Variants in FER observed in about 807,000 individuals in gnomAD.
FER encodes the protein tyrosine-protein kinase Fer.
A neutral mutation model predicts 111.0 loss-of-function variants in FER; 63 were observed. The observed-to-expected ratio is 0.57, with a 90% CI of 0.46 to 0.70. The LOEUF (loss-of-function observed/expected upper bound fraction) is 0.70, where lower values mean the gene tolerates loss of function less well. Ranked by LOEUF, FER falls within the 30% of genes least tolerant of loss-of-function variation. FER has a pLI of 0.00. For synonymous variants in FER, 327 were observed against 313.9 expected (o/e 1.04, Z -0.44); for missense variants, 914 against 954.0 (o/e 0.96, Z 0.55).
intron 5 of FER, among the ~76,000 whole-genome samples, chr5:108,850,454 A>C (rs898238573): frequency 2.6e-5 from 4 of 152,140 alleles, no homozygotes; most frequent in Non-Finnish European, 5.9e-5. Context: ...AAGGGATTCC[A>C]TAAGTTTAGG....
At chr5:109,068,948 T>A (rs768911557) in intron 16 of FER, among the ~76,000 whole-genome samples, 23 of 152,230 alleles carry the variant, frequency 1.5e-4, no homozygotes, top group Non-Finnish European at 2.9e-4. Context: ...CTCAGTAATT[T>A]CACAGCAGTA....
intron 17 of FER, among the ~76,000 whole-genome samples, chr5:109,108,755 G>GCCCA: frequency 6.6e-6 from 1 of 152,058 alleles, no homozygotes; most frequent in South Asian, 2.1e-4. Context: ...CAAATTCTGG[G>GCCCA]GAATTCATCA....
chr5:109,072,489 CTGT>C (rs1201514238), intron 16 of FER, among the ~76,000 whole-genome samples: 2 of 151,790 alleles, frequency 1.3e-5, no homozygotes, highest in Non-Finnish European at 2.9e-5. Flanking sequence ...GCGGTATTTT[CTGT>C]TGTTGTTACA....
intron 10 of FER, among the ~76,000 whole-genome samples, chr5:108,910,127 A>G (rs2150356294): frequency 6.6e-6 from 1 of 152,278 alleles, no homozygotes; most frequent in East Asian, 1.9e-4. Context: ...AAATGGACAA[A>G]GATTATGAAT....
At chr5:108,888,910 A>G (rs1194447450) in intron 9 of FER, among the ~76,000 whole-genome samples, 1 of 151,930 alleles carries the variant, frequency 6.6e-6, no homozygotes, top group Non-Finnish European at 1.5e-5. Flanking sequence ...ATTATCCTTA[A>G]AAACCACTAA....
chr5:108,814,172 C>G (rs1252926000), intron 3 of FER, among the ~76,000 whole-genome samples: 1 of 152,128 alleles, frequency 6.6e-6, no homozygotes, highest in East Asian at 1.9e-4. Flanking sequence ...GTTGTTGTAT[C>G]TCTTCTGTGA....
At chr5:109,001,838 T>C (rs574668196) in intron 13 of FER, among the ~76,000 whole-genome samples, 1,538 of 152,100 alleles carry the variant, frequency 0.01, 22 homozygotes, top group African/African-American at 0.035. Flanking sequence ...TATACACCAA[T>C]AACAGACAAA....
chr5:109,169,922 T>C (rs548099871), intron 17 of FER, among the ~76,000 whole-genome samples: 36 of 152,244 alleles, frequency 2.4e-4, no homozygotes, highest in African/African-American at 7.7e-4. Flanking sequence ...TTGCAAAGAG[T>C]TAACCACTGC....
intron 1 of FER, among the ~76,000 whole-genome samples, chr5:108,754,569 ATAT>A (rs1750878009): frequency 1.3e-5 from 2 of 152,162 alleles, no homozygotes; most frequent in African/African-American, 2.4e-5. Flanking sequence ...ACATAAGAAA[ATAT>A]TATTACACTA....
intron 15 of FER, among the ~76,000 whole-genome samples, chr5:109,046,756 A>C (rs1014426599): frequency 1.3e-5 from 2 of 152,156 alleles, no homozygotes; most frequent in Non-Finnish European, 2.9e-5. Context: ...ACAACTATTT[A>C]TATAACATTT....
rs1430138719 is a variant in FER at position 109,146,265 on chromosome 5, TATA to T, written c.2049-34481_2049-34479del. ...ATATAATCTATCTAATATATATATA[TATA>T]TATATATATATATATATATATATCT... On this transcript the variant is annotated intron_variant, in intron 17 of 19. Transcript: ENST00000281092. 3.4e-5 allele frequency among the ~76,000 whole-genome samples: 3 copies of T among 87,280 alleles called. 1 individual carries two copies. The highest frequency in any genetic ancestry group is 1.5e-4 in the African/African-American group (3 of 20,586). The allele number at this position is 87,280 out of a possible 152,430, so 57.3% of individuals were successfully genotyped here.
intron 11 of FER, among the ~76,000 whole-genome samples, chr5:108,953,713 A>G (rs78518560): frequency 6.6e-6 from 1 of 152,138 alleles, no homozygotes; most frequent in Non-Finnish European, 1.5e-5. Flanking sequence ...AACTTCATAT[A>G]TGAATATTTG....
chr5:108,879,700 AAATATATAT>A (rs937488823), intron 8 of FER, among the ~76,000 whole-genome samples: 3 of 119,338 alleles, frequency 2.5e-5, no homozygotes, highest in African/African-American at 1.3e-4. Flanking sequence ...GATTAAAAAA[AAATATATAT>A]ATATATATAT....
rs1760595745 is a variant in FER, at chr5:108,835,800, A to G, written c.474A>G (p.Leu158=). The change falls in exon 5 of 20, where the codon TTA becomes TTG. Residue 158 remains leucine, a synonymous_variant. Transcript: ENST00000281092. The part of the protein sequence containing the change: ...NSAKEKYKEA[L]AKGKETEKAK... The stretch of plus-strand genomic sequence containing the variant: ...CCAAAGAGAAATATAAAGAAGCTTT[A>G]GCTAAAGGTAAGGCAAAATTTTAAA... The G allele has an allele frequency of 1.3e-6, 2 of 1,539,358 alleles. No homozygotes were observed. The highest frequency in any genetic ancestry group is 1.4e-5 in the African/African-American group (1 of 70,772).
intron 5 of FER, among the ~76,000 whole-genome samples, chr5:108,854,916 C>G (rs1211057362): frequency 5.6e-5 from 7 of 124,564 alleles, no homozygotes; most frequent in Non-Finnish European, 1.6e-5. Context: ...TGCACTCCAG[C>G]TGGGCTGACA....
intron 2 of FER, among the ~76,000 whole-genome samples, chr5:108,783,157 T>G (rs1754289472): frequency 6.6e-6 from 1 of 152,184 alleles, no homozygotes; most frequent in Non-Finnish European, 1.5e-5. Flanking sequence ...TTTTTTCTAT[T>G]TTTTTCTGTG....
chr5:109,113,775 G>T (rs981795484), intron 17 of FER, among the ~76,000 whole-genome samples: 2 of 152,046 alleles, frequency 1.3e-5, no homozygotes, highest in African/African-American at 4.8e-5. Flanking sequence ...ACTTTTTGCA[G>T]CACAAAGTAT....
At chr5:108,939,574 C>T (rs1755975901) in intron 10 of FER, among the ~76,000 whole-genome samples, 1 of 152,078 alleles carries the variant, frequency 6.6e-6, no homozygotes, top group Admixed American at 6.6e-5. Flanking sequence ...TACAGTGTGA[C>T]AGTTTCTCTC....
chr5:108,795,310 C>G (rs1003411007), intron 2 of FER, among the ~76,000 whole-genome samples: 2 of 151,880 alleles, frequency 1.3e-5, no homozygotes, highest in Admixed American at 6.6e-5. Flanking sequence ...GAGGGAGACC[C>G]TGTCTGGAAA....
Sources: allele counts gnomAD v4.1 joint callset (sites outside exome capture counted in the v4.1 genomes callset), GRCh38; gene constraint gnomAD v4.1.1; transcripts MANE v1.5; gene names NCBI Gene and HGNC (gene_info 2026-07-23, HGNC 2026-07-21).